The following POU2F1 variants were observed in gnomAD, a reference collection of about 807,000 sequenced individuals.
The protein encoded by POU2F1 is POU domain, class 2, transcription factor 1.
In POU2F1, 16 loss-of-function variants were observed where a neutral mutation model predicts 84.9. The ratio of observed to expected loss-of-function variants is 0.19; its 90% CI spans 0.13 to 0.29. POU2F1 has a LOEUF of 0.29. POU2F1 is among the 10% of genes least tolerant of loss of function. The probability of loss-of-function intolerance (pLI) is 1.00; values close to 1 mark genes in which losing one functional copy is unlikely to be tolerated. For missense variants in POU2F1, 738 were observed against 942.6 expected (o/e 0.78, Z 2.84); for synonymous variants, 368 against 368.3 (o/e 1.00, Z 0.01).
intron 8 of POU2F1, chr1:167,387,129 T>C (rs1452432290): frequency 8.8e-6 from 4 of 455,770 alleles, no homozygotes; most frequent in African/African-American, 8.0e-5. Context: ...GGCAGGGCCG[T>C]TGTGGCTTCA....
chr1:167,329,223 T>G, intron 1 of POU2F1: 1 of 1,542,220 alleles, frequency 6.5e-7, no homozygotes. Context: ...CACCCCAAAC[T>G]GCTACCTGTT....
At chr1:167,257,893 GC>G (rs1272003092) in intron 1 of POU2F1, 3 of 151,766 alleles carry the variant, frequency 2.0e-5, no homozygotes, top group Admixed American at 6.6e-5. Flanking sequence ...TTCCTCCTCA[GC>G]CTCCTGAGTA....
rs1428002407 is a variant in POU2F1, at chr1:167,422,093, A to G, written c.*6283A>G. On this transcript the variant is annotated 3_prime_UTR_variant, in exon 16 of 16. Coordinates refer to ENST00000367866, the MANE Select transcript of POU2F1 (RefSeq NM_002697.4). Reference sequence around the variant, plus strand: ...CATGCAGGTAACATATGGGGTGTCCAGTAGGTTCAGGGACCCTGAGGGTGC... The same window carrying G: ...CATGCAGGTAACATATGGGGTGTCCGGTAGGTTCAGGGACCCTGAGGGTGC... The G allele has an allele frequency of 6.6e-6, 1 of 152,230 alleles. No individual in the cohort carries two copies. Among genetic ancestry groups the G allele is most frequent in the Non-Finnish European group, 1.5e-5 (1 of 68,066 alleles). The allele number at this position is 152,230 out of a possible 1,614,324, so 9.4% of individuals were successfully genotyped here.
intron 1 of POU2F1, among the ~76,000 whole-genome samples, chr1:167,255,988 C>G (rs971001917): frequency 2.6e-5 from 4 of 152,108 alleles, no homozygotes; most frequent in Admixed American, 6.5e-5. Flanking sequence ...TACTTTTAGT[C>G]CGTGCTTACG....
intron 1 of POU2F1, among the ~76,000 whole-genome samples, chr1:167,308,820 TTTG>T (rs1293718440): frequency 6.6e-6 from 1 of 152,148 alleles, no homozygotes; most frequent in African/African-American, 2.4e-5. Context: ...TGCCTGGCCT[TTTG>T]TTATTTCTTG....
chr1:167,291,945 G>T (rs1571239529), intron 1 of POU2F1, among the ~76,000 whole-genome samples: 1 of 152,106 alleles, frequency 6.6e-6, no homozygotes, highest in East Asian at 1.9e-4. Context: ...CTGTAGGAGT[G>T]CTGCTGGCTT....
intron 7 of POU2F1, among the ~76,000 whole-genome samples, chr1:167,377,646 C>G (rs946249000): frequency 6.6e-6 from 1 of 152,074 alleles, no homozygotes; most frequent in African/African-American, 2.4e-5. Context: ...AGCCCTAACC[C>G]CAACCTCCCA....
intron 1 of POU2F1, among the ~76,000 whole-genome samples, chr1:167,312,380 G>T (rs1206848779): frequency 6.6e-6 from 1 of 151,744 alleles, no homozygotes; most frequent in East Asian, 1.9e-4. Context: ...GTGCCACCAC[G>T]CCCAGCTAAT....
chr1:167,393,247 C>T (rs1167183531), intron 9 of POU2F1, among the ~76,000 whole-genome samples: 1 of 151,972 alleles, frequency 6.6e-6, no homozygotes, highest in Non-Finnish European at 1.5e-5. Context: ...TGGATTATCA[C>T]GAAAGAGCAT....
chr1:167,280,629 G>A (rs1344746605), intron 1 of POU2F1, among the ~76,000 whole-genome samples: 1 of 151,932 alleles, frequency 6.6e-6, no homozygotes. Flanking sequence ...TGCTTCCTTT[G>A]TTTTGAAATG....
intron 2 of POU2F1, among the ~76,000 whole-genome samples, chr1:167,333,129 A>T (rs970571004): frequency 1.3e-5 from 2 of 152,200 alleles, no homozygotes; most frequent in Non-Finnish European, 2.9e-5. Flanking sequence ...TTGGTAATTT[A>T]AAAAAATTAT....
At chr1:167,363,260 A>G (rs1208090478) in intron 2 of POU2F1, among the ~76,000 whole-genome samples, 3 of 152,100 alleles carry the variant, frequency 2.0e-5, no homozygotes, top group African/African-American at 4.8e-5. Flanking sequence ...AAGACCTCCT[A>G]TTAGTAGTGT....
rs761519318 is a variant in POU2F1, at chr1:167,371,982, G to A, written c.348G>A (p.Val116=). The change falls in exon 5 of 16, where the codon GTG becomes GTA. Residue 116 remains valine (V), a synonymous_variant. Coordinates refer to ENST00000367866, the MANE Select transcript of POU2F1 (RefSeq NM_002697.4). ...GCCAGCCTTCCCAGCAGCCTTCAGT[G>A]CAGGCAGCCATTCCCCAGACCCAGC... The part of the protein sequence containing the change: ...QPSQPSQQPS[V]QAAIPQTQLM... The A allele has an allele frequency of 6.2e-7, 1 of 1,614,042 alleles. No homozygotes were observed. The highest frequency in any genetic ancestry group is 1.3e-5 in the African/African-American group (1 of 74,936).
Position 167,422,850 on chromosome 1 carries a change from T to C in POU2F1, c.*7040T>C, listed in dbSNP as rs1221926233. On this transcript the variant is annotated 3_prime_UTR_variant, in exon 16 of 16. Transcript: ENST00000367866. ...TTTGGAAAAGCTTTACTTTATCTCT[T>C]TCCTTCCCTTTTCCCCTTTTCCCAG... The C allele has an allele frequency of 6.6e-6, 1 of 152,254 alleles. No homozygotes were observed. The highest frequency in any genetic ancestry group is 1.9e-4 in the East Asian group (1 of 5,200). The allele number at this position is 152,254 out of a possible 1,614,324, so 9.4% of individuals were successfully genotyped here. A position where few individuals can be genotyped will look rare whatever the true frequency, so the allele number is the denominator to read the frequency against.
chr1:167,329,241 T>C (rs1385742418), intron 1 of POU2F1: 6 of 1,545,850 alleles, frequency 3.9e-6, no homozygotes, highest in East Asian at 2.5e-5. Flanking sequence ...GTTTCTTCCT[T>C]GTTTGGACTC....
chr1:167,312,933 C>T (rs1012593050), intron 1 of POU2F1, among the ~76,000 whole-genome samples: 3 of 152,218 alleles, frequency 2.0e-5, no homozygotes, highest in Non-Finnish European at 4.4e-5. Context: ...TTCACACTAA[C>T]ATGCTGTATA....
intron 1 of POU2F1, among the ~76,000 whole-genome samples, chr1:167,298,940 G>C (rs1418138721): frequency 6.6e-6 from 1 of 152,064 alleles, no homozygotes; most frequent in Non-Finnish European, 1.5e-5. Context: ...AAGGCGGGCG[G>C]ATCACCTGAG....
chr1:167,329,593 G>T (rs1401463222), intron 1 of POU2F1, among the ~76,000 whole-genome samples: 1 of 152,042 alleles, frequency 6.6e-6, no homozygotes, highest in Non-Finnish European at 1.5e-5. Context: ...AATTCCTATT[G>T]AGAACATTTC....
At chr1:167,407,818 A>T (rs1303610551) in intron 13 of POU2F1, among the ~76,000 whole-genome samples, 3 of 152,224 alleles carry the variant, frequency 2.0e-5, no homozygotes, top group African/African-American at 7.2e-5. Context: ...ATAAAGTAGG[A>T]CAAAATCTTT....
Sources: allele counts gnomAD v4.1 joint callset (sites outside exome capture counted in the v4.1 genomes callset), GRCh38; gene constraint gnomAD v4.1.1; transcripts MANE v1.5; gene names NCBI Gene and HGNC (gene_info 2026-07-23, HGNC 2026-07-21).